KALRN: variants seen among roughly 807,000 people sequenced by gnomAD.
The protein encoded by KALRN is kalirin.
Under a neutral mutation model 353.7 loss-of-function variants are expected in KALRN, and 70 were observed. The ratio of observed to expected loss-of-function variants is 0.20; its 90% CI spans 0.16 to 0.24. The LOEUF (loss-of-function observed/expected upper bound fraction) is 0.24, where lower values mean the gene tolerates loss of function less well. Ranked by LOEUF, KALRN falls within the 10% of genes least tolerant of loss-of-function variation. KALRN has a pLI of 1.00. For synonymous variants in KALRN, 1,391 were observed against 1,434.8 expected (o/e 0.97, Z 0.69); for missense variants, 2,791 against 3,756.7 (o/e 0.74, Z 6.72).
intron 33 of KALRN, among the ~76,000 whole-genome samples, chr3:124,530,933 A>G (rs2109146088): frequency 6.6e-6 from 1 of 152,278 alleles, no homozygotes; most frequent in South Asian, 2.1e-4. Context: ...TAACAACTCT[A>G]AAAATGTTGG....
intron 9 of KALRN, among the ~76,000 whole-genome samples, chr3:124,336,039 C>T (rs1439917898): frequency 6.6e-6 from 1 of 152,108 alleles, no homozygotes; most frequent in Non-Finnish European, 1.5e-5. Context: ...GCATTCTTAT[C>T]ACTGACTGTG....
rs189745979 is a variant in KALRN, at chr3:124,395,147, A to G, written c.1975A>G (p.Met659Val). The G allele has an allele frequency of 8.1e-6, 13 of 1,612,636 alleles. No homozygotes were observed. The highest frequency in any genetic ancestry group is 1.1e-5 in the Non-Finnish European group (13 of 1,179,202). The change falls in exon 12 of 60, where the codon ATG (methionine) becomes GTG (valine). Residue 659 changes from methionine to valine, a missense_variant. Transcript: ENST00000682506. ...HTHTKELWTW[M>V]EDLQKEMLED... ...TCTCTCTCTACAGTTGTGGACATGGATGGAAGACCTTCAGAAGGAGATGTT... is the reference window on the plus strand; with the variant it reads ...TCTCTCTCTACAGTTGTGGACATGGGTGGAAGACCTTCAGAAGGAGATGTT...
chr3:124,336,766 A>G (rs1310421742), intron 9 of KALRN, among the ~76,000 whole-genome samples: 1 of 152,162 alleles, frequency 6.6e-6, no homozygotes, highest in South Asian at 2.1e-4. Flanking sequence ...TTGTTTGTAA[A>G]TCCATGAGCA....
intron 1 of KALRN, among the ~76,000 whole-genome samples, chr3:124,157,712 G>T (rs1352576876): frequency 2.0e-5 from 3 of 152,194 alleles, no homozygotes; most frequent in African/African-American, 7.2e-5. Flanking sequence ...AAAACCATCT[G>T]CAGGAGGGTC....
intron 19 of KALRN, among the ~76,000 whole-genome samples, chr3:124,445,782 TG>T (rs2093817610): frequency 6.6e-6 from 1 of 152,220 alleles, no homozygotes; most frequent in Non-Finnish European, 1.5e-5. Flanking sequence ...CTGAGATTCC[TG>T]TCAAGGTCCA....
intron 28 of KALRN, 22 bp downstream of exon 28, chr3:124,482,922 T>A: frequency 6.7e-7 from 1 of 1,489,356 alleles, no homozygotes; most frequent in African/African-American, 1.4e-5. Flanking sequence ...CCCCTCTACA[T>A]CCCCCTCCAC....
chr3:124,549,309 C>T (rs541659769), intron 33 of KALRN, among the ~76,000 whole-genome samples: 138 of 145,896 alleles, frequency 9.5e-4, no homozygotes, highest in African/African-American at 3.2e-3. Flanking sequence ...GAAAGAAAAC[C>T]CCAAGAAGCC....
At chr3:124,386,316 T>C (rs574946130) in intron 11 of KALRN, among the ~76,000 whole-genome samples, 2 of 152,236 alleles carry the variant, frequency 1.3e-5, no homozygotes, top group Admixed American at 6.5e-5. Context: ...ACCAAAGCCA[T>C]GTGTATTCCC....
chr3:124,236,772 G>A (rs562702730), intron 3 of KALRN, among the ~76,000 whole-genome samples: 27 of 152,344 alleles, frequency 1.8e-4, no homozygotes, highest in African/African-American at 5.8e-4. Flanking sequence ...GAGGGGCTGA[G>A]AGGAAGGTCA....
intron 57 of KALRN, among the ~76,000 whole-genome samples, chr3:124,711,707 A>C (rs916495110): frequency 6.6e-6 from 1 of 152,162 alleles, no homozygotes; most frequent in Non-Finnish European, 1.5e-5. Context: ...TATATTTCTA[A>C]GTGTTCTTGT....
chr3:124,626,266 A>G (rs2079938595), intron 34 of KALRN, among the ~76,000 whole-genome samples: 1 of 152,212 alleles, frequency 6.6e-6, no homozygotes, highest in Admixed American at 6.5e-5. Context: ...GATAAGAAAG[A>G]TGCACACTAG....
intron 6 of KALRN, among the ~76,000 whole-genome samples, chr3:124,320,703 A>G (rs970285503): frequency 6.6e-6 from 1 of 152,214 alleles, no homozygotes; most frequent in Non-Finnish European, 1.5e-5. Context: ...AACTTAAGGT[A>G]TGGAAGGACA....
At chr3:124,070,322 C>T (rs1315429441) in intron 1 of KALRN, among the ~76,000 whole-genome samples, 1 of 152,184 alleles carries the variant, frequency 6.6e-6, no homozygotes, top group Non-Finnish European at 1.5e-5. Context: ...GTCCAGGAAG[C>T]GTCCACATAC....
intron 34 of KALRN, among the ~76,000 whole-genome samples, chr3:124,609,281 G>A (rs2077676222): frequency 6.6e-6 from 1 of 152,036 alleles, no homozygotes; most frequent in Non-Finnish European, 1.5e-5. Flanking sequence ...TGGTCTAAGT[G>A]TTTTTATCTG....
chr3:124,642,620 T>C (rs1418211541), intron 37 of KALRN, among the ~76,000 whole-genome samples: 1 of 152,086 alleles, frequency 6.6e-6, no homozygotes, highest in Non-Finnish European at 1.5e-5. Flanking sequence ...CAGGCTGTAT[T>C]TGTGTGTGTG....
intron 15 of KALRN, among the ~76,000 whole-genome samples, chr3:124,428,852 T>C (rs2093147747): frequency 6.6e-6 from 1 of 152,196 alleles, no homozygotes; most frequent in African/African-American, 2.4e-5. Flanking sequence ...AAAAATTTTC[T>C]AACAAAACTG....
At chr3:124,637,335 G>A in intron 37 of KALRN, 32 bp downstream of exon 37, 1 of 1,471,620 alleles carries the variant, frequency 6.8e-7, no homozygotes, top group South Asian at 1.1e-5. Context: ...AGTTCTGTGT[G>A]TGTCTCACCT....
chr3:124,560,551 A>G lies in KALRN; in HGVS notation c.4936-2292A>G, dbSNP rs544193751. ...TTCAGTGATAAATCTATTCACATGT[A>G]GTGTTCCCTGGTCAAAATATGAAGT... On this transcript the variant is annotated intron_variant, in intron 33 of 59. Coordinates refer to ENST00000682506, the MANE Select transcript of KALRN (RefSeq NM_001388419.1). 2.6e-5 allele frequency among the ~76,000 whole-genome samples: 4 copies of G among 152,372 alleles called. No homozygotes were observed. The East Asian group carries it at 7.7e-4, about 29-fold the overall frequency.
At chr3:124,337,069 G>A (rs1461148231) in intron 9 of KALRN, among the ~76,000 whole-genome samples, 1 of 152,084 alleles carries the variant, frequency 6.6e-6, no homozygotes, top group Non-Finnish European at 1.5e-5. Flanking sequence ...CGAGACGATG[G>A]GGTTTTCTAA....
Sources: allele counts gnomAD v4.1 joint callset (sites outside exome capture counted in the v4.1 genomes callset), GRCh38; gene constraint gnomAD v4.1.1; transcripts MANE v1.5; gene names NCBI Gene and HGNC (gene_info 2026-07-23, HGNC 2026-07-21).